Variants in PCDHGB5 observed in about 807,000 individuals in gnomAD.
PCDHGB5 encodes the protein protocadherin gamma subfamily B, 5, also known as protocadherin gamma-B5.
A neutral mutation model predicts 62.9 loss-of-function variants in PCDHGB5; 48 were observed. The ratio of observed to expected loss-of-function variants is 0.76; its 90% CI spans 0.61 to 0.97. PCDHGB5 has a LOEUF of 0.97. PCDHGB5 is among the 50% of genes least tolerant of loss of function. The probability of loss-of-function intolerance (pLI) is 0.00; values close to 1 mark genes in which losing one functional copy is unlikely to be tolerated. For missense variants in PCDHGB5, 1,118 were observed against 1,198.6 expected (o/e 0.93, Z 0.99); for synonymous variants, 474 against 511.2 (o/e 0.93, Z 0.98).
Position 141,493,806 on chromosome 5 carries a change from T to C in PCDHGB5, c.2398-1001T>C, listed in dbSNP as rs1339302166. On this transcript the variant is annotated intron_variant, in intron 1 of 3. Coordinates refer to ENST00000617380, the MANE Select transcript of PCDHGB5 (RefSeq NM_018925.3). This position sits in a 1 kb window ranked among gnomAD's most constrained non-coding sequence, Gnocchi z 4.3. ...TCCTTCTCCCTGGAGTAATCTGAGA[T>C]ACTCACACTCTCTGCTTCTGGGAGC... is the stretch of plus-strand genomic sequence containing the variant. Among the ~76,000 whole-genome samples, 1 of 152,162 alleles carries C rather than the reference T, an allele frequency of 6.6e-6. No homozygotes were observed. The highest frequency in any genetic ancestry group is 1.5e-5 in the Non-Finnish European group (1 of 68,038).
At chr5:141,421,355 G>A in intron 1 of PCDHGB5, 1 of 1,613,990 alleles carries the variant, frequency 6.2e-7, no homozygotes, top group East Asian at 2.2e-5. Flanking sequence ...ACCGAAAAGG[G>A]CTCCTTCGTG....
intron 1 of PCDHGB5, chr5:141,415,323 G>C: frequency 1.9e-6 from 3 of 1,614,236 alleles, no homozygotes; most frequent in South Asian, 2.2e-5. Flanking sequence ...TCGTGCTGCT[G>C]GCGCACAGGC....
intron 1 of PCDHGB5, among the ~76,000 whole-genome samples, chr5:141,457,873 G>C (rs967389295): frequency 2.0e-5 from 3 of 152,200 alleles, no homozygotes; most frequent in Non-Finnish European, 4.4e-5. Context: ...CCACAGGTTA[G>C]GAACCCTGTG....
At position 141,476,764 on chromosome 5, in the gene PCDHGB5, G is replaced by A. The variant is rs570982273; in HGVS notation, c.2398-18043G>A. 1.2e-6 allele frequency: 2 copies of A among 1,613,794 alleles called. No homozygotes were observed. Reference sequence around the variant, plus strand: ...CTAGTCTCCAGTTAGTGCTGACGGCGTTGGACGGAGGGACCCCAGCTCTCT... The same window carrying A: ...CTAGTCTCCAGTTAGTGCTGACGGCATTGGACGGAGGGACCCCAGCTCTCT... On this transcript the variant is annotated intron_variant, in intron 1 of 3. Coordinates refer to ENST00000617380, the MANE Select transcript of PCDHGB5 (RefSeq NM_018925.3). The surrounding 1 kb of genome is among the most constrained non-coding windows in gnomAD (Gnocchi z 7.6).
chr5:141,419,207 CCGGTTTTCGGACAGT>C, intron 1 of PCDHGB5: 5 of 1,613,998 alleles, frequency 3.1e-6, no homozygotes, highest in Non-Finnish European at 4.2e-6. Flanking sequence ...TGACAACGCG[CCGGTTTTCGGACAGT>C]CAGCCTACCT....
chr5:141,470,836 C>T lies in PCDHGB5; in HGVS notation c.2398-23971C>T, dbSNP rs577375498. On this transcript the variant is annotated intron_variant, in intron 1 of 3. Transcript: ENST00000617380. ...CTGAGTAGTTAGGACGACAAACACA[C>T]GCCACCATGCTCAGATAAGTTTTTT... 2.6e-5 allele frequency among the ~76,000 whole-genome samples: 4 copies of T among 152,176 alleles called. No homozygotes were observed. The East Asian group carries it at 5.8e-4, about 22-fold the overall frequency.
intron 1 of PCDHGB5, among the ~76,000 whole-genome samples, chr5:141,464,966 T>C (rs192224238): frequency 1.2e-3 from 178 of 152,274 alleles, no homozygotes; most frequent in Middle Eastern, 3.4e-3. Flanking sequence ...TGTCTTGAAC[T>C]ACTGGCTTCA....
chr5:141,444,043 T>C (rs542828018), intron 1 of PCDHGB5, among the ~76,000 whole-genome samples: 1 of 151,820 alleles, frequency 6.6e-6, no homozygotes, highest in African/African-American at 2.4e-5. Context: ...AATCAGATAA[T>C]TTGGCATCTT....
chr5:141,423,956 A>T, intron 1 of PCDHGB5: 4 of 1,182,724 alleles, frequency 3.4e-6, no homozygotes, highest in Non-Finnish European at 4.2e-6. Context: ...TTTTAGTATT[A>T]TTTTTCTATT....
intron 2 of PCDHGB5, among the ~76,000 whole-genome samples, chr5:141,497,553 T>G (rs2099777684): frequency 6.6e-6 from 1 of 151,326 alleles, no homozygotes; most frequent in Non-Finnish European, 1.5e-5. Flanking sequence ...TTTTTTTTTT[T>G]TTTTTAGACA....
rs369551410 is a variant in PCDHGB5, at chr5:141,415,294, G to A, written c.2397+14770G>A. ...GGTAGCGGTGGCCGCGGTCTCCTGC[G>A]TCTTCCTGGCCTTCGTCATCGTGCT... On this transcript the variant is annotated intron_variant, in intron 1 of 3. Transcript: ENST00000617380. 10 of 1,614,050 alleles carry A rather than the reference G, an allele frequency of 6.2e-6. No homozygotes were observed. In the African/African-American group the frequency reaches 1.1e-4, roughly 17 times the overall value.
At chr5:141,409,942 C>T (rs1168442761) in intron 1 of PCDHGB5, 4 of 1,613,284 alleles carry the variant, frequency 2.5e-6, no homozygotes, top group South Asian at 1.1e-5. Flanking sequence ...TGGTACCTCG[C>T]TCTGCAGAGC....
intron 3 of PCDHGB5, among the ~76,000 whole-genome samples, chr5:141,510,518 GC>G (rs2099881500): frequency 6.6e-6 from 1 of 152,112 alleles, no homozygotes; most frequent in Non-Finnish European, 1.5e-5. Context: ...CCGTGTCACA[GC>G]CCTGAGAGAA....
chr5:141,506,544 G>GT (rs2099854759), intron 3 of PCDHGB5, among the ~76,000 whole-genome samples: 1 of 151,880 alleles, frequency 6.6e-6, no homozygotes, highest in Non-Finnish European at 1.5e-5. Flanking sequence ...GAGTCCTTAG[G>GT]TAAGTTATTA....
intron 1 of PCDHGB5, chr5:141,410,640 G>T: frequency 1.3e-6 from 2 of 1,599,058 alleles, no homozygotes; most frequent in Non-Finnish European, 1.7e-6. Flanking sequence ...TCTTTTTTGT[G>T]TGTGATTTAT....
At position 141,487,780 on chromosome 5, in the gene PCDHGB5, C is replaced by T. The variant is rs1423149; in HGVS notation, c.2398-7027C>T. On this transcript the variant is annotated intron_variant, in intron 1 of 3. Transcript: ENST00000617380. The surrounding 1 kb of genome is among the most constrained non-coding windows in gnomAD (Gnocchi z 5.0). ...TAGACGCTGTGCTTTGTAACTGTTT[C>T]GTGAATTAACCAGAGTTGTCACAGT... 0.06 allele frequency: 91,434 copies of T among 1,526,176 alleles called. 5,728 individuals carry two copies. Among genetic ancestry groups the T allele is most frequent in the African/African-American group, 0.33 (23,789 of 72,466 alleles). The allele number at this position is 1,526,176 out of a possible 1,614,324, so 94.5% of individuals were successfully genotyped here. A position where few individuals can be genotyped will look rare whatever the true frequency, so the allele number is the denominator to read the frequency against.
chr5:141,436,635 A>G (rs953396225), intron 1 of PCDHGB5, among the ~76,000 whole-genome samples: 8 of 152,184 alleles, frequency 5.3e-5, no homozygotes, highest in African/African-American at 1.9e-4. Context: ...ACAACATGCA[A>G]TTAATTAACA....
intron 1 of PCDHGB5, chr5:141,403,166 A>G (rs907710099): frequency 1.2e-6 from 2 of 1,614,002 alleles, no homozygotes; most frequent in Non-Finnish European, 1.7e-6. Flanking sequence ...TAGAGGTAGG[A>G]CGCAGCTTTT....
In PCDHGB5 at chr5:141,399,381, C is replaced by T; in HGVS notation, c.1254C>T (p.Ile418=). The part of the protein sequence containing the change: ...REQTPEYNVT[I]TATDRGKPPL... ...AAACCCCGGAGTACAATGTCACCAT[C>T]ACAGCCACAGACAGGGGCAAGCCGC... Residue 418 remains isoleucine, a synonymous_variant, in exon 1 of 4, where the codon ATC becomes ATT. Transcript: ENST00000617380. 1.2e-6 allele frequency: 2 copies of T among 1,613,982 alleles called. No homozygotes were observed. The highest frequency in any genetic ancestry group is 8.5e-7 in the Non-Finnish European group (1 of 1,179,882).
Sources: allele counts gnomAD v4.1 joint callset (sites outside exome capture counted in the v4.1 genomes callset), GRCh38; gene constraint gnomAD v4.1.1; non-coding constraint Gnocchi (gnomAD v3.1); transcripts MANE v1.5; gene names NCBI Gene and HGNC (gene_info 2026-07-23, HGNC 2026-07-21).